MYCBP2: variants seen among roughly 807,000 people sequenced by gnomAD.
The protein encoded by MYCBP2 is E3 ubiquitin-protein ligase MYCBP2.
In MYCBP2, 120 loss-of-function variants were observed where a neutral mutation model predicts 525.3. The ratio of observed to expected loss-of-function variants is 0.23; its 90% CI spans 0.20 to 0.27. MYCBP2 has a LOEUF of 0.27. Among genes scored for constraint, MYCBP2 ranks in the 10% least tolerant of loss-of-function variants. The pLI is 1.00. For synonymous variants in MYCBP2, 1,894 were observed against 1,955.8 expected (o/e 0.97, Z 0.83); for missense variants, 4,149 against 5,657.1 (o/e 0.73, Z 8.55).
chr13:77,055,834 G>C (rs747035322), intron 79 of MYCBP2, 67 bp from the exon 80 acceptor site: 2 of 1,055,196 alleles, frequency 1.9e-6, no homozygotes, highest in Non-Finnish European at 2.8e-6. Flanking sequence ...CACTTAGCAT[G>C]CACCTAAGTG....
chr13:77,213,519 A>G (rs2064341324), intron 21 of MYCBP2, among the ~76,000 whole-genome samples: 1 of 152,186 alleles, frequency 6.6e-6, no homozygotes, highest in South Asian at 2.1e-4. Flanking sequence ...AATATATCAT[A>G]TTCAGGGATA....
intron 76 of MYCBP2, 56 bp downstream of exon 76, chr13:77,061,113 G>A (rs766332825): frequency 1.7e-5 from 26 of 1,532,688 alleles, no homozygotes; most frequent in Non-Finnish European, 2.2e-5. Flanking sequence ...CAGTTGGCAC[G>A]GTTTAATCTT....
At chr13:77,283,324 C>T (rs554149030) in intron 3 of MYCBP2, among the ~76,000 whole-genome samples, 21 of 152,266 alleles carry the variant, frequency 1.4e-4, no homozygotes, top group Admixed American at 1.2e-3. Context: ...CTTTCTCTAA[C>T]GTGTTCCACT....
chr13:77,099,965 C>T (rs977509226), intron 55 of MYCBP2: 13 of 152,030 alleles, frequency 8.6e-5, no homozygotes, highest in Admixed American at 7.9e-4. Context: ...GTAAATGGTA[C>T]AAACTTCAAC....
chr13:77,290,522 C>T (rs572330951), intron 2 of MYCBP2, among the ~76,000 whole-genome samples: 1 of 152,272 alleles, frequency 6.6e-6, no homozygotes, highest in South Asian at 2.1e-4. Context: ...CCATGAAATG[C>T]TTACTCATCA....
intron 20 of MYCBP2, 112 bp downstream of exon 20, chr13:77,224,339 T>C (rs777024538): frequency 2.9e-6 from 2 of 701,598 alleles, no homozygotes; most frequent in African/African-American, 3.7e-5. Context: ...TGGTATAATA[T>C]TATTTTAATT....
At chr13:77,136,783 T>C (rs1310586429) in intron 52 of MYCBP2, among the ~76,000 whole-genome samples, 1 of 152,192 alleles carries the variant, frequency 6.6e-6, no homozygotes, top group East Asian at 1.9e-4. Context: ...ACCTCTTCCC[T>C]TCGTCCCTCC....
rs2060617287 is a variant in MYCBP2, at chr13:77,185,279, G to C, written c.4543C>G (p.His1515Asp). The C allele has an allele frequency of 6.2e-7, 1 of 1,613,966 alleles. No homozygotes were observed. Among genetic ancestry groups the C allele is most frequent in the South Asian group, 1.1e-5 (1 of 91,064 alleles). ...TCATTATCCAATTTCACCATGCAGTGATCAACTCCTTCTGATAAAATTTTT... is the reference window on the plus strand; with the variant it reads ...TCATTATCCAATTTCACCATGCAGTCATCAACTCCTTCTGATAAAATTTTT... ...LRKILSEGVD[H>D]CMVKLDNDPQ... Residue 1515 changes from histidine (H) to aspartate (D), a missense_variant, in exon 32 of 83, where the codon CAC (histidine) becomes GAC (aspartate). Physicochemically the swap from His to Asp is moderately conservative, Grantham distance 81 (BLOSUM62 -1). Coordinates refer to ENST00000544440, the MANE Select transcript of MYCBP2 (RefSeq NM_015057.5).
chr13:77,150,227 G>A (rs892178255), intron 47 of MYCBP2, among the ~76,000 whole-genome samples: 1 of 152,154 alleles, frequency 6.6e-6, no homozygotes, highest in Non-Finnish European at 1.5e-5. Flanking sequence ...AGGGGGCATA[G>A]GTAAACCCCA....
intron 7 of MYCBP2, among the ~76,000 whole-genome samples, chr13:77,268,276 C>T (rs1293015408): frequency 3.9e-5 from 6 of 152,036 alleles, no homozygotes; most frequent in Non-Finnish European, 8.8e-5. Context: ...AGAAAAATAA[C>T]AAGTATTGAG....
chr13:77,170,491 T>A (rs2059025011), intron 38 of MYCBP2, among the ~76,000 whole-genome samples: 1 of 152,124 alleles, frequency 6.6e-6, no homozygotes, highest in South Asian at 2.1e-4. Flanking sequence ...AATCTAATAG[T>A]CTTTATTTTC....
chr13:77,061,882 G>C, intron 74 of MYCBP2, 92 bp from the exon 75 acceptor site: 1 of 1,274,722 alleles, frequency 7.8e-7, no homozygotes, highest in Non-Finnish European at 1.0e-6. Context: ...AAAATAAACC[G>C]TTATTCGGAA....
At chr13:77,093,697 G>A (rs1023952001) in intron 58 of MYCBP2, among the ~76,000 whole-genome samples, 3 of 152,068 alleles carry the variant, frequency 2.0e-5, no homozygotes, top group Non-Finnish European at 2.9e-5. Flanking sequence ...CATGATATTA[G>A]GTTTCCTCTC....
At chr13:77,302,088 A>AT (rs1208419539) in intron 1 of MYCBP2, among the ~76,000 whole-genome samples, 1 of 152,168 alleles carries the variant, frequency 6.6e-6, no homozygotes, top group African/African-American at 2.4e-5. Context: ...TCATATTCAT[A>AT]TAATTGGAAT....
intron 46 of MYCBP2, among the ~76,000 whole-genome samples, chr13:77,154,399 G>A (rs1224291403): frequency 6.7e-6 from 1 of 149,820 alleles, no homozygotes; most frequent in African/African-American, 2.5e-5. Context: ...AGGGAAAGAG[G>A]AGAGGGAAGA....
In MYCBP2 at chr13:77,318,599, C is replaced by CA. The variant is rs1432205151; in HGVS notation, c.302+7874dup. ...TGAAACCCCACCTCTAGTAAAAATA[C>CA]AAAAATCAGCCGAGTGTGGTGGGAC... On this transcript the variant is annotated intron_variant, in intron 1 of 82. Coordinates refer to ENST00000544440, the MANE Select transcript of MYCBP2 (RefSeq NM_015057.5). 3.9e-5 allele frequency among the ~76,000 whole-genome samples: 6 copies of CA among 152,124 alleles called. No homozygotes were observed. The South Asian group carries it at 1.0e-3, about 26-fold the overall frequency.
Position 77,081,962 on chromosome 13 carries a change from G to T in MYCBP2, c.11068C>A (p.His3690Asn). Residue 3690 changes from histidine (H) to asparagine (N), a missense_variant, in exon 64 of 83, where the codon CAC (histidine) becomes AAC (asparagine). By Grantham distance (68) the His-to-Asn change is moderately conservative. This residue lies in a region of MYCBP2 where 509 missense variants were observed against 789.4 expected (regional missense o/e 0.64). Coordinates refer to ENST00000544440, the MANE Select transcript of MYCBP2 (RefSeq NM_015057.5). The surrounding 1 kb of genome is among the most constrained non-coding windows in gnomAD (Gnocchi z 4.6). ...ACGTTGCTCTGATGAAGGAACTGGT[G>T]ATCAGATTGCTTGAATTTGAGACTC... ...CWSLKFKQSD[H>N]QFLHQSNVFH... 6.2e-7 allele frequency: 1 copy of T among 1,613,308 alleles called. No individual in the cohort carries two copies. The highest frequency in any genetic ancestry group is 8.5e-7 in the Non-Finnish European group (1 of 1,179,602).
chr13:77,312,546 G>A (rs111600531), intron 1 of MYCBP2, among the ~76,000 whole-genome samples: 6 of 151,940 alleles, frequency 3.9e-5, no homozygotes, highest in African/African-American at 1.4e-4. Context: ...AAAAAGTTAG[G>A]TATGCATACT....
chr13:77,261,480 T>G (rs1250386595), intron 11 of MYCBP2, 105 bp from the exon 12 acceptor site: 1 of 873,806 alleles, frequency 1.1e-6, no homozygotes, highest in Non-Finnish European at 1.7e-6. Flanking sequence ...AAAAATAAAA[T>G]TCACATAAAA....
Sources: gnomAD v4.1 joint callset for allele counts (sites outside exome capture counted in the v4.1 genomes callset) on GRCh38, gnomAD v4.1.1 for gene constraint, gnomAD v4.1.1 regional missense constraint, Gnocchi (gnomAD v3.1) non-coding constraint, MANE v1.5 for transcripts, NCBI Gene and HGNC (gene_info 2026-07-23, HGNC 2026-07-21) for gene names.